AGAP1: variants seen among roughly 807,000 people sequenced by gnomAD.
AGAP1 encodes the protein ArfGAP with GTPase domain, ankyrin repeat and PH domain 1, also known as arf-GAP with GTPase, ANK repeat and PH domain-containing protein 1.
Under a neutral mutation model 105.3 loss-of-function variants are expected in AGAP1, and 29 were observed. The observed-to-expected ratio is 0.28, with a 90% CI of 0.21 to 0.38. AGAP1 has a LOEUF of 0.38. AGAP1 is among the 10% of genes least tolerant of loss of function. The pLI, the probability that AGAP1 is intolerant of heterozygous loss-of-function variation, is 1.00. For missense variants in AGAP1, 998 were observed against 1,165.1 expected (o/e 0.86, Z 2.09); for synonymous variants, 509 against 485.9 (o/e 1.05, Z -0.63).
intron 16 of AGAP1, among the ~76,000 whole-genome samples, chr2:236,052,455 G>A (rs1332931357): frequency 6.6e-6 from 1 of 152,104 alleles, no homozygotes; most frequent in South Asian, 2.1e-4. Flanking sequence ...CTGGACAGCC[G>A]GCCTCTGCTG....
At chr2:236,010,520 CAT>C (rs1009119241) in intron 13 of AGAP1, among the ~76,000 whole-genome samples, 6 of 152,360 alleles carry the variant, frequency 3.9e-5, no homozygotes, top group African/African-American at 1.4e-4. Flanking sequence ...TTGTGCACCA[CAT>C]GAGACCCTCA....
rs549393650 is a variant in AGAP1 at position 236,120,484 on chromosome 2, C to T, written c.2370+37C>T. 3.0e-5 allele frequency: 48 copies of T among 1,608,878 alleles called. No homozygotes were observed. In the African/African-American group the frequency reaches 4.1e-4, roughly 14 times the overall value. ...GCACGCCTGGCAGAGGACGGGGCCA[C>T]AGGAGGCACTCTCTGCTTTGTTCTG... is the stretch of plus-strand genomic sequence containing the variant. On this transcript the variant is annotated intron_variant, in intron 17 of 17. Coordinates refer to ENST00000304032, the MANE Select transcript of AGAP1 (RefSeq NM_001037131.3). This position sits in a 1 kb window ranked among gnomAD's most constrained non-coding sequence, Gnocchi z 6.0.
chr2:235,835,871 C>T (rs1002673454), intron 9 of AGAP1, among the ~76,000 whole-genome samples: 2 of 152,194 alleles, frequency 1.3e-5, no homozygotes, highest in Non-Finnish European at 2.9e-5. Flanking sequence ...TGGAGAGGCT[C>T]CGGCTGTCAC....
intron 1 of AGAP1, among the ~76,000 whole-genome samples, chr2:235,669,083 G>A (rs538868026): frequency 6.6e-5 from 10 of 152,220 alleles, no homozygotes; most frequent in Admixed American, 4.6e-4. Flanking sequence ...GGTTTATCTG[G>A]GGTGAGGTTA....
At chr2:235,768,627 G>GC (rs1955169085) in intron 6 of AGAP1, among the ~76,000 whole-genome samples, 1 of 152,226 alleles carries the variant, frequency 6.6e-6, no homozygotes, top group Non-Finnish European at 1.5e-5. Context: ...TAGAGCTGGG[G>GC]CCCAAGGTTC....
Position 235,967,182 on chromosome 2 carries a change from C to T in AGAP1, c.1484-1280C>T, listed in dbSNP as rs1363742301. Among the ~76,000 whole-genome samples the T allele has an allele frequency of 6.6e-6, 1 of 152,154 alleles. No individual in the cohort carries two copies. The highest frequency in any genetic ancestry group is 1.9e-4 in the East Asian group (1 of 5,178). On this transcript the variant is annotated intron_variant, in intron 12 of 17. Transcript: ENST00000304032. The surrounding 1 kb of genome is among the most constrained non-coding windows in gnomAD (Gnocchi z 4.7). Reference sequence around the variant, plus strand: ...TCGGGCCCCCTCTCCGTTTCTGGAACACACCAGGCTCCCTCCTTGGAGCCA... The same window carrying T: ...TCGGGCCCCCTCTCCGTTTCTGGAATACACCAGGCTCCCTCCTTGGAGCCA...
At chr2:235,851,805 GAAAT>G (rs2048472375) in intron 9 of AGAP1, among the ~76,000 whole-genome samples, 1 of 152,146 alleles carries the variant, frequency 6.6e-6, no homozygotes, top group African/African-American at 2.4e-5. Context: ...GTTAGGAAAA[GAAAT>G]AAAACCCAGT....
Position 235,883,518 on chromosome 2 carries a change from C to G in AGAP1, c.1155+69C>G, listed in dbSNP as rs1421006016. On this transcript the variant is annotated intron_variant, in intron 10 of 17. Coordinates refer to ENST00000304032, the MANE Select transcript of AGAP1 (RefSeq NM_001037131.3). The surrounding 1 kb of genome is among the most constrained non-coding windows in gnomAD (Gnocchi z 4.5). ...ACTAAACACTGTGGGGAAGGGGAAC[C>G]TACCAGCAGCCCAGCCTCTTGTCTC... The G allele has an allele frequency of 7.9e-7, 1 of 1,272,360 alleles. No homozygotes were observed. Among genetic ancestry groups the G allele is most frequent in the Non-Finnish European group, 1.1e-6 (1 of 886,846 alleles). The allele number at this position is 1,272,360 out of a possible 1,614,324, so 78.8% of individuals were successfully genotyped here.
rs916727580 is a variant in AGAP1, at chr2:235,660,611, C to T, written c.164-48568C>T. ...AGCTTGGGGACTCCTGAGTCCAGCTCCCAGTGATGTGTAGAGTTGAGCTCC... is the reference window on the plus strand; with the variant it reads ...AGCTTGGGGACTCCTGAGTCCAGCTTCCAGTGATGTGTAGAGTTGAGCTCC... On this transcript the variant is annotated intron_variant, in intron 1 of 17. Transcript: ENST00000304032. This position sits in a 1 kb window ranked among gnomAD's most constrained non-coding sequence, Gnocchi z 5.3. Among the ~76,000 whole-genome samples, 2 of 151,974 alleles carry T rather than the reference C, an allele frequency of 1.3e-5. No individual in the cohort carries two copies. The highest frequency in any genetic ancestry group is 1.3e-4 in the Admixed American group (2 of 15,268).
At position 235,908,717 on chromosome 2, in the gene AGAP1, G is replaced by A; in HGVS notation, c.1156-21G>A. ...CTTTTTTTTTTTTTTATCTCTCTTGGATGTTTAACATTTTCAACAGGATTA... is the reference window on the plus strand; with the variant it reads ...CTTTTTTTTTTTTTTATCTCTCTTGAATGTTTAACATTTTCAACAGGATTA... On this transcript the variant is annotated intron_variant, in intron 10 of 17. Transcript: ENST00000304032. This position sits in a 1 kb window ranked among gnomAD's most constrained non-coding sequence, Gnocchi z 4.4. 1 of 1,566,276 alleles carries A rather than the reference G, an allele frequency of 6.4e-7. No homozygotes were observed. Among genetic ancestry groups the A allele is most frequent in the Non-Finnish European group, 8.7e-7 (1 of 1,155,258 alleles).
intron 12 of AGAP1, among the ~76,000 whole-genome samples, chr2:235,966,800 G>C (rs932933665): frequency 2.0e-5 from 3 of 152,090 alleles, no homozygotes; most frequent in African/African-American, 7.2e-5. Flanking sequence ...GCAATGAAGG[G>C]TGACGCTTCC....
intron 12 of AGAP1, among the ~76,000 whole-genome samples, chr2:235,946,867 C>G (rs182636347): frequency 5.4e-4 from 82 of 152,288 alleles, no homozygotes; most frequent in Middle Eastern, 3.4e-3. Context: ...GGAACCCCTC[C>G]CCACCCTTGT....
Position 236,125,167 on chromosome 2 carries a change from A to T in AGAP1, c.*1045A>T, listed in dbSNP as rs576603365. Reference sequence around the variant, plus strand: ...TGTTAGTCTCAGGCCCTCCTGGACCACGTTGCCCAAGTCACACAGGCTTCT... The same window carrying T: ...TGTTAGTCTCAGGCCCTCCTGGACCTCGTTGCCCAAGTCACACAGGCTTCT... On this transcript the variant is annotated 3_prime_UTR_variant, in exon 18 of 18. Transcript: ENST00000304032. The surrounding 1 kb of genome is among the most constrained non-coding windows in gnomAD (Gnocchi z 5.2). 6.2e-6 allele frequency: 1 copy of T among 161,258 alleles called. No individual in the cohort carries two copies. The highest frequency in any genetic ancestry group is 1.9e-4 in the East Asian group (1 of 5,192). 10.0% of individuals were successfully genotyped at this position (161,258 alleles called of 1,614,324 possible).
In AGAP1 at chr2:235,670,599, G is replaced by C. The variant is rs1383643983; in HGVS notation, c.164-38580G>C. On this transcript the variant is annotated intron_variant, in intron 1 of 17. Coordinates refer to ENST00000304032, the MANE Select transcript of AGAP1 (RefSeq NM_001037131.3). Reference sequence around the variant, plus strand: ...AGCGGGCCTGAGGCGCCGCAAGGCCGGACACTGGGCGGCGGAAGGCGCCAC... The same window carrying C: ...AGCGGGCCTGAGGCGCCGCAAGGCCCGACACTGGGCGGCGGAAGGCGCCAC... The C allele has an allele frequency of 7.1e-6, 4 of 564,358 alleles. No individual in the cohort carries two copies. The African/African-American group carries it at 8.0e-5, about 11-fold the overall frequency. 35.0% of individuals were successfully genotyped at this position (564,358 alleles called of 1,614,324 possible).
chr2:235,521,449 G>T (rs900379574), intron 1 of AGAP1, among the ~76,000 whole-genome samples: 1 of 152,044 alleles, frequency 6.6e-6, no homozygotes, highest in Non-Finnish European at 1.5e-5. Context: ...TCACCTTGTC[G>T]TCTTCTCTTC....
chr2:235,499,083 C>T (rs767274164), intron 1 of AGAP1, among the ~76,000 whole-genome samples: 6 of 152,190 alleles, frequency 3.9e-5, no homozygotes, highest in East Asian at 1.9e-4. Flanking sequence ...TGTACACAGA[C>T]GCACTGCTGA....
At position 235,670,822 on chromosome 2, in the gene AGAP1, C is replaced by T. The variant is rs753339669; in HGVS notation, c.164-38357C>T. ...AGAGCAAGAACCGCACGCTGGACAA[C>T]AGCGACCTGCAGCGGCTGGAGCGCG... On this transcript the variant is annotated intron_variant, in intron 1 of 17. Transcript: ENST00000304032. 4 of 1,420,510 alleles carry T rather than the reference C, an allele frequency of 2.8e-6. No homozygotes were observed. In the South Asian group the frequency reaches 4.1e-5, roughly 15 times the overall value. The allele number at this position is 1,420,510 out of a possible 1,614,324, so 88.0% of individuals were successfully genotyped here.
At position 235,855,232 on chromosome 2, in the gene AGAP1, T is replaced by C. The variant is rs959114682; in HGVS notation, c.1051-28113T>C. ...CATCCCTTGGGGTGGCGCACGGAAA[T>C]GGAAGCGTGAGGTCATCCCTGTGAT... On this transcript the variant is annotated intron_variant, in intron 9 of 17. Coordinates refer to ENST00000304032, the MANE Select transcript of AGAP1 (RefSeq NM_001037131.3). This position sits in a 1 kb window ranked among gnomAD's most constrained non-coding sequence, Gnocchi z 5.0. 2.0e-5 allele frequency among the ~76,000 whole-genome samples: 3 copies of C among 152,100 alleles called. No homozygotes were observed. Among genetic ancestry groups the C allele is most frequent in the African/African-American group, 7.2e-5 (3 of 41,432 alleles).
At position 235,919,328 on chromosome 2, in the gene AGAP1, A is replaced by G. The variant is rs1421201664; in HGVS notation, c.1324+10422A>G. On this transcript the variant is annotated intron_variant, in intron 11 of 17. Transcript: ENST00000304032. The surrounding 1 kb of genome is among the most constrained non-coding windows in gnomAD (Gnocchi z 4.1). Reference sequence around the variant, plus strand: ...GAGAGTTTTTCGAAGTAATCGTGACATTTTTCCATCTCGAAACCTTGTGGC... The same window carrying G: ...GAGAGTTTTTCGAAGTAATCGTGACGTTTTTCCATCTCGAAACCTTGTGGC... Among the ~76,000 whole-genome samples the G allele has an allele frequency of 6.6e-6, 1 of 152,026 alleles. No homozygotes were observed. Among genetic ancestry groups the G allele is most frequent in the Non-Finnish European group, 1.5e-5 (1 of 68,002 alleles).
Sources: gnomAD v4.1 joint callset for allele counts (sites outside exome capture counted in the v4.1 genomes callset) on GRCh38, gnomAD v4.1.1 for gene constraint, Gnocchi (gnomAD v3.1) non-coding constraint, MANE v1.5 for transcripts, NCBI Gene and HGNC (gene_info 2026-07-23, HGNC 2026-07-21) for gene names.